Variants in ERC2 observed in about 807,000 individuals in gnomAD.
ERC2 encodes ERC protein 2.
ERC2 carries 42 observed loss-of-function variants against 114.8 expected under a neutral mutation model. That is an observed-to-expected ratio of 0.37 (90% CI 0.29 to 0.47). The LOEUF (loss-of-function observed/expected upper bound fraction) is 0.47. ERC2 is among the 20% of genes least tolerant of loss of function. The pLI is 0.99. For missense variants in ERC2, 939 were observed against 1,150.7 expected, an observed-to-expected ratio of 0.82 and a Z score of 2.66; for synonymous variants, 454 against 425.5, an observed-to-expected ratio of 1.07 and a Z score of -0.82.
At chr3:56,386,322 TC>T (rs2059932825) in intron 2 of ERC2, among the ~76,000 whole-genome samples, 1 of 152,116 alleles carries the variant, frequency 6.6e-6, no homozygotes, top group Non-Finnish European at 1.5e-5. Flanking sequence ...AGTGAAACAC[TC>T]CAAGCATCCC....
intron 17 of ERC2, among the ~76,000 whole-genome samples, chr3:55,594,389 C>T (rs1410340282): frequency 1.3e-5 from 2 of 152,030 alleles, no homozygotes; most frequent in Non-Finnish European, 2.9e-5. Flanking sequence ...GGTTTGCTGC[C>T]TATAACAGAA....
intron 6 of ERC2, among the ~76,000 whole-genome samples, chr3:56,134,168 G>A (rs2149897357): frequency 6.6e-6 from 1 of 152,284 alleles, no homozygotes; most frequent in East Asian, 1.9e-4. Context: ...TTGAACAGTT[G>A]CATATTTTAG....
At chr3:55,692,174 A>G (rs2062702386) in intron 16 of ERC2, among the ~76,000 whole-genome samples, 1 of 152,144 alleles carries the variant, frequency 6.6e-6, no homozygotes, top group South Asian at 2.1e-4. Flanking sequence ...TGTTGGTGAA[A>G]GTGCAAGGGA....
intron 17 of ERC2, among the ~76,000 whole-genome samples, chr3:55,559,460 T>C (rs2055854124): frequency 6.6e-6 from 1 of 152,202 alleles, no homozygotes; most frequent in Non-Finnish European, 1.5e-5. Flanking sequence ...TCATTTTAGG[T>C]CTCAATAGCT....
chr3:55,992,746 A>T (rs908382512), intron 10 of ERC2, among the ~76,000 whole-genome samples: 2 of 152,252 alleles, frequency 1.3e-5, no homozygotes, highest in African/African-American at 2.4e-5. Flanking sequence ...TTAACTAATA[A>T]TTGAACATGT....
chr3:56,046,739 C>A (rs981677117), intron 7 of ERC2, among the ~76,000 whole-genome samples: 3 of 152,100 alleles, frequency 2.0e-5, no homozygotes, highest in African/African-American at 4.8e-5. Context: ...AGAGAAGAGG[C>A]ACAAAAAGAT....
intron 3 of ERC2, among the ~76,000 whole-genome samples, chr3:56,196,894 G>GAATCCCTGGGAAT (rs2048140716): frequency 1.3e-5 from 2 of 152,070 alleles, no homozygotes; most frequent in Non-Finnish European, 2.9e-5. Flanking sequence ...ACTCACATTA[G>GAATCCCTGGGAAT]AATCCCTGGG....
intron 2 of ERC2, among the ~76,000 whole-genome samples, chr3:56,344,420 A>G (rs2058225788): frequency 6.6e-6 from 1 of 152,080 alleles, no homozygotes; most frequent in African/African-American, 2.4e-5. Flanking sequence ...GCTCACAATT[A>G]CTGTAACGAA....
At chr3:55,670,866 C>A (rs765198127) in intron 17 of ERC2, among the ~76,000 whole-genome samples, 1 of 152,066 alleles carries the variant, frequency 6.6e-6, no homozygotes, top group Non-Finnish European at 1.5e-5. Flanking sequence ...TTTTGTGACA[C>A]ATGGAAATGA....
intron 3 of ERC2, among the ~76,000 whole-genome samples, chr3:56,259,066 C>T (rs1167467471): frequency 6.6e-6 from 1 of 151,498 alleles, no homozygotes; most frequent in Non-Finnish European, 1.5e-5. Flanking sequence ...CTCCACCTAC[C>T]AGGTTCAAGT....
At chr3:56,271,106 G>C (rs942815048) in intron 3 of ERC2, among the ~76,000 whole-genome samples, 1 of 152,144 alleles carries the variant, frequency 6.6e-6, no homozygotes, top group African/African-American at 2.4e-5. Flanking sequence ...CAAAATACAG[G>C]TAACAATGCC....
At chr3:56,284,994 C>T (rs977635777) in intron 3 of ERC2, among the ~76,000 whole-genome samples, 1 of 106,400 alleles carries the variant, frequency 9.4e-6, no homozygotes, top group Non-Finnish European at 1.9e-5. Context: ...CTCTGTCTCT[C>T]TCTCTCTCTC....
chr3:55,603,459 C>A (rs1056871556), intron 17 of ERC2, among the ~76,000 whole-genome samples: 1 of 151,918 alleles, frequency 6.6e-6, no homozygotes, highest in Non-Finnish European at 1.5e-5. Flanking sequence ...GGTGAAAACC[C>A]ATCTGTACTA....
chr3:55,943,784 A>G (rs2066958501), intron 13 of ERC2, among the ~76,000 whole-genome samples: 1 of 152,176 alleles, frequency 6.6e-6, no homozygotes, highest in Non-Finnish European at 1.5e-5. Context: ...ATGAACATAC[A>G]AAAATGGGGT....
At chr3:56,325,995 ACT>A (rs2057344702) in intron 2 of ERC2, among the ~76,000 whole-genome samples, 1 of 152,172 alleles carries the variant, frequency 6.6e-6, no homozygotes, top group South Asian at 2.1e-4. Context: ...CTTCTTGCAG[ACT>A]CTGTACAACC....
intron 4 of ERC2, among the ~76,000 whole-genome samples, chr3:56,150,826 G>A (rs2081375047): frequency 6.6e-6 from 1 of 152,114 alleles, no homozygotes. Context: ...ATATGTTGAA[G>A]CTCTAACCCT....
intron 3 of ERC2, among the ~76,000 whole-genome samples, chr3:56,235,167 A>G (rs1363575718): frequency 1.3e-5 from 2 of 152,048 alleles, no homozygotes; most frequent in Non-Finnish European, 2.9e-5. Flanking sequence ...CTTTTAATTT[A>G]TTTTTACCTT....
At chr3:55,524,438 T>C (rs538769632) in intron 17 of ERC2, among the ~76,000 whole-genome samples, 33 of 151,422 alleles carry the variant, frequency 2.2e-4, no homozygotes, top group Admixed American at 9.2e-4. Context: ...GTTGGCAGCC[T>C]CGTACTTTCT....
At chr3:55,881,093 T>C (rs1309151032) in intron 14 of ERC2, among the ~76,000 whole-genome samples, 3 of 152,322 alleles carry the variant, frequency 2.0e-5, no homozygotes, top group East Asian at 1.9e-4. Context: ...TTAGGATTCC[T>C]TCCTAAAGAA....
Sources: gnomAD v4.1 joint callset for allele counts (sites outside exome capture counted in the v4.1 genomes callset) on GRCh38, gnomAD v4.1.1 for gene constraint, MANE v1.5 for transcripts, NCBI Gene and HGNC (gene_info 2026-07-23, HGNC 2026-07-21) for gene names.